Variants in UBE2F observed in about 807,000 individuals in gnomAD.
The protein encoded by UBE2F is NEDD8-conjugating enzyme UBE2F.
UBE2F carries 5 observed loss-of-function variants against 29.6 expected under a neutral mutation model. The observed-to-expected ratio is 0.17, with a 90% confidence interval of 0.09 to 0.36. UBE2F has a LOEUF of 0.36. UBE2F is among the 10% of genes least tolerant of loss of function. UBE2F has a pLI of 1.00. For synonymous variants in UBE2F, 66 were observed against 81.8 expected (o/e 0.81, Z 1.04); for missense variants, 141 against 228.5 (o/e 0.62, Z 2.47).
At chr2:237,986,605 T>C (rs1421934107) in intron 2 of UBE2F, among the ~76,000 whole-genome samples, 1 of 152,234 alleles carries the variant, frequency 6.6e-6, no homozygotes, top group African/African-American at 2.4e-5. Context: ...GTTAAGGAAC[T>C]TATTCCCTAT....
At chr2:237,999,250 A>T (rs1437704011) in intron 4 of UBE2F, among the ~76,000 whole-genome samples, 1 of 152,102 alleles carries the variant, frequency 6.6e-6, no homozygotes, top group Non-Finnish European at 1.5e-5. Context: ...TTGTAGTTTT[A>T]GTAGAGACGG....
Position 237,987,992 on chromosome 2 carries a change from T to C in UBE2F, c.148T>C (p.Cys50Arg). 1 of 1,508,484 alleles carries C rather than the reference T, an allele frequency of 6.6e-7. No individual in the cohort carries two copies. The highest frequency in any genetic ancestry group is 8.9e-7 in the Non-Finnish European group (1 of 1,126,748). The allele number at this position is 1,508,484 out of a possible 1,614,324, so 93.4% of individuals were successfully genotyped here. A position where few individuals can be genotyped will look rare whatever the true frequency, so the allele number is the denominator to read the frequency against. ...EVAELEANLP[C>R]TCKVHFPDPN... ...TGCAGAACTTGAAGCTAATTTACCTTGTAAGTATAGCATCCCCAAACACTA... is the reference window on the plus strand; with the variant it reads ...TGCAGAACTTGAAGCTAATTTACCTCGTAAGTATAGCATCCCCAAACACTA... Residue 50 changes from cysteine (C) to arginine (R), a missense_variant and splice_region_variant, in exon 3 of 10, where the codon TGT becomes CGT. Coordinates refer to ENST00000272930, the MANE Select transcript of UBE2F (RefSeq NM_080678.3).
At chr2:237,984,903 C>A (rs1284998102) in intron 2 of UBE2F, among the ~76,000 whole-genome samples, 3 of 151,208 alleles carry the variant, frequency 2.0e-5, no homozygotes, top group African/African-American at 7.3e-5. Context: ...CCTCAGACTC[C>A]TGAGTAATTG....
chr2:238,020,223 G>T (rs1009696351), intron 5 of UBE2F, among the ~76,000 whole-genome samples: 1 of 152,176 alleles, frequency 6.6e-6, no homozygotes, highest in African/African-American at 2.4e-5. Context: ...CACTATTTCC[G>T]GTGTGTAGCT....
At chr2:238,008,465 T>C (rs1261834611) in intron 4 of UBE2F, among the ~76,000 whole-genome samples, 2 of 152,256 alleles carry the variant, frequency 1.3e-5, no homozygotes, top group Middle Eastern at 3.2e-3. Context: ...GATATAATGT[T>C]CTTAGTATCA....
intron 1 of UBE2F, among the ~76,000 whole-genome samples, chr2:237,970,288 T>TA (rs2063148589): frequency 6.6e-6 from 1 of 152,154 alleles, no homozygotes; most frequent in Admixed American, 6.5e-5. Flanking sequence ...GGTGGGAGGA[T>TA]CTCTTGAACC....
intron 9 of UBE2F, 73 bp from the exon 10 acceptor site, chr2:238,041,215 C>A: frequency 7.0e-7 from 1 of 1,425,410 alleles, no homozygotes; most frequent in South Asian, 1.2e-5. Context: ...CTGACTTGTC[C>A]CTGAAGCGCT....
chr2:237,984,582 A>G (rs1221624328), intron 2 of UBE2F, among the ~76,000 whole-genome samples: 1 of 152,184 alleles, frequency 6.6e-6, no homozygotes, highest in East Asian at 1.9e-4. Context: ...CTCTTTCCTC[A>G]GTCCCCACAG....
Position 238,022,175 on chromosome 2 carries a change from C to CTTTTTTTTTTTTTTTTTTTT in UBE2F, c.283-3156_283-3155insTTTTTTTTTTTTTTTTTTTT, listed in dbSNP as rs1162304454. On this transcript the variant is annotated intron_variant, in intron 5 of 9. Transcript: ENST00000272930. ...ATTTCTTTTTCTTTTCTTTTCTTTT[C>CTTTTTTTTTTTTTTTTTTTT]TTTTTTTTTTTGGAGACAGAGTCTT... is the stretch of plus-strand genomic sequence containing the variant. Among the ~76,000 whole-genome samples, 44 of 63,286 alleles carry CTTTTTTTTTTTTTTTTTTTT rather than the reference C, an allele frequency of 7.0e-4. 6 individuals carry two copies. The highest frequency in any genetic ancestry group is 1.6e-3 in the African/African-American group (38 of 23,952). 41.5% of individuals were successfully genotyped at this position (63,286 alleles called of 152,430 possible).
chr2:237,987,099 TATTA>T (rs2063493815), intron 2 of UBE2F, among the ~76,000 whole-genome samples: 1 of 152,230 alleles, frequency 6.6e-6, no homozygotes, highest in Admixed American at 6.5e-5. Flanking sequence ...ATTTTAACAA[TATTA>T]ATTCTTCAAA....
chr2:237,988,530 C>T (rs1485563757), intron 3 of UBE2F, among the ~76,000 whole-genome samples: 1 of 151,082 alleles, frequency 6.6e-6, no homozygotes, highest in Non-Finnish European at 1.5e-5. Context: ...GCATTAGAGT[C>T]GCTTGAACCC....
At chr2:237,969,578 C>T (rs1035896510) in intron 1 of UBE2F, among the ~76,000 whole-genome samples, 23 of 151,960 alleles carry the variant, frequency 1.5e-4, no homozygotes, top group African/African-American at 5.6e-4. Context: ...TCCAGCTGAC[C>T]CCCAGGTGAT....
rs2064808234 is a variant in UBE2F at position 238,040,182 on chromosome 2, T to C, written c.508-1106T>C. Among the ~76,000 whole-genome samples the C allele has an allele frequency of 6.6e-6, 1 of 151,940 alleles. No individual in the cohort carries two copies. The highest frequency in any genetic ancestry group is 1.5e-5 in the Non-Finnish European group (1 of 67,978). ...GGGAACTTGCCCGCCCTGGAAAGGG[T>C]CGCTGTGCTAACTAAAAGTGTGGCA... On this transcript the variant is annotated intron_variant, in intron 9 of 9. Transcript: ENST00000272930. The surrounding 1 kb of genome is among the most constrained non-coding windows in gnomAD (Gnocchi z 4.4).
chr2:238,029,415 C>T (rs1436158566), intron 6 of UBE2F, among the ~76,000 whole-genome samples: 1 of 151,952 alleles, frequency 6.6e-6, no homozygotes, highest in Non-Finnish European at 1.5e-5. Flanking sequence ...GGTGAAACCC[C>T]GTCTCTACTA....
intron 1 of UBE2F, among the ~76,000 whole-genome samples, chr2:237,970,490 C>T (rs779649974): frequency 6.6e-6 from 1 of 152,160 alleles, no homozygotes; most frequent in Non-Finnish European, 1.5e-5. Context: ...CTCTGTTGTC[C>T]TGGGGTCCAC....
chr2:238,006,854 C>T (rs1487420826), intron 4 of UBE2F, among the ~76,000 whole-genome samples: 2 of 150,506 alleles, frequency 1.3e-5, no homozygotes. Context: ...CTCCCAGGTT[C>T]AAGCAATTCT....
In UBE2F at chr2:237,967,142, G is replaced by T. The variant is rs2063070807; in HGVS notation, c.-17+10G>T. On this transcript the variant is annotated intron_variant, in intron 1 of 9. Coordinates refer to ENST00000272930, the MANE Select transcript of UBE2F (RefSeq NM_080678.3). The surrounding 1 kb of genome is among the most constrained non-coding windows in gnomAD (Gnocchi z 6.3). Reference sequence around the variant, plus strand: ...GTCTCGGGGAGCCCAGGTGAGGAGCGACCGTGCGGCTCTGCGGCGGGGCGA... The same window carrying T: ...GTCTCGGGGAGCCCAGGTGAGGAGCTACCGTGCGGCTCTGCGGCGGGGCGA... 3.1e-6 allele frequency: 4 copies of T among 1,282,342 alleles called. No homozygotes were observed. The highest frequency in any genetic ancestry group is 4.4e-5 in the South Asian group (2 of 45,678). 79.4% of individuals were successfully genotyped at this position (1,282,342 alleles called of 1,614,324 possible).
chr2:237,982,189 A>G lies in UBE2F; in HGVS notation c.119-5774A>G, dbSNP rs1405660177. 6.6e-6 allele frequency among the ~76,000 whole-genome samples: 1 copy of G among 152,190 alleles called. No individual in the cohort carries two copies. The highest frequency in any genetic ancestry group is 6.5e-5 in the Admixed American group (1 of 15,282). On this transcript the variant is annotated intron_variant, in intron 2 of 9. Coordinates refer to ENST00000272930, the MANE Select transcript of UBE2F (RefSeq NM_080678.3). The surrounding 1 kb of genome is among the most constrained non-coding windows in gnomAD (Gnocchi z 4.1). ...TGGCGAATGTGCAGCCAGGGCTTCCATTCCTTTCTTTATCAGGTGTTGTCT... is the reference window on the plus strand; with the variant it reads ...TGGCGAATGTGCAGCCAGGGCTTCCGTTCCTTTCTTTATCAGGTGTTGTCT...
chr2:238,007,536 G>A (rs536003512), intron 4 of UBE2F, among the ~76,000 whole-genome samples: 1 of 151,450 alleles, frequency 6.6e-6, no homozygotes, highest in Non-Finnish European at 1.5e-5. Context: ...TTTTAATCAT[G>A]AATGGATGCT....
Sources: gnomAD v4.1 joint callset for allele counts (sites outside exome capture counted in the v4.1 genomes callset) on GRCh38, gnomAD v4.1.1 for gene constraint, Gnocchi (gnomAD v3.1) non-coding constraint, MANE v1.5 for transcripts, NCBI Gene and HGNC (gene_info 2026-07-23, HGNC 2026-07-21) for gene names.